The following TGM3 variants were observed in gnomAD, a reference collection of about 807,000 sequenced individuals.
TGM3 encodes transglutaminase 3.
In TGM3, 52 loss-of-function variants were observed where a neutral mutation model predicts 73.8. The observed-to-expected ratio is 0.70, with a 90% CI of 0.56 to 0.89. The LOEUF (loss-of-function observed/expected upper bound fraction) is 0.89, where lower values mean the gene tolerates loss of function less well. TGM3 is among the 40% of genes least tolerant of loss of function. The pLI, the probability that TGM3 is intolerant of heterozygous loss-of-function variation, is 0.00. For missense variants in TGM3, 928 were observed against 909.9 expected, an observed-to-expected ratio of 1.02 and a Z score of -0.26; for synonymous variants, 372 against 354.9, an observed-to-expected ratio of 1.05 and a Z score of -0.54.
chr20:2,308,527 A>T (rs764092115), intron 1 of TGM3, among the ~76,000 whole-genome samples: 15 of 152,274 alleles, frequency 9.9e-5, no homozygotes, highest in South Asian at 4.1e-4. Context: ...GTAAATCAGG[A>T]GGGTGGATTT....
chr20:2,309,565 AC>A (rs1375063709), intron 1 of TGM3, 91 bp from the exon 2 acceptor site: 12 of 1,343,810 alleles, frequency 8.9e-6, no homozygotes, highest in Non-Finnish European at 1.2e-5. Flanking sequence ...GACAAGCCTC[AC>A]CCCAAAGCTG....
intron 11 of TGM3, among the ~76,000 whole-genome samples, chr20:2,337,652 A>C (rs1219600579): frequency 6.8e-6 from 1 of 147,044 alleles, no homozygotes; most frequent in South Asian, 2.2e-4. Flanking sequence ...CCCGAGAGGC[A>C]GCGGTTGCAG....
intron 3 of TGM3, among the ~76,000 whole-genome samples, chr20:2,310,700 T>C (rs572969611): frequency 6.6e-6 from 1 of 152,320 alleles, no homozygotes; most frequent in South Asian, 2.1e-4. Context: ...ACAAACTGCA[T>C]AGCATGGTTC....
In TGM3 at chr20:2,302,714, T is replaced by TA. The variant is rs56347560; in HGVS notation, c.7+6659dup. Among the ~76,000 whole-genome samples, 75 of 105,264 alleles carry TA rather than the reference T, an allele frequency of 7.1e-4. 1 individual carries two copies. Among genetic ancestry groups the TA allele is most frequent in the African/African-American group, 2.0e-3 (65 of 32,762 alleles). 69.1% of individuals were successfully genotyped at this position (105,264 alleles called of 152,430 possible). On this transcript the variant is annotated intron_variant, in intron 1 of 12. Coordinates refer to ENST00000381458, the MANE Select transcript of TGM3 (RefSeq NM_003245.4). ...CAACTGTTTATATAAAGAGGTTTTCTAAAAAAAAAAAAAAATTTAAAACAG... is the reference window on the plus strand; with the variant it reads ...CAACTGTTTATATAAAGAGGTTTTCTAAAAAAAAAAAAAAAATTTAAAACAG...
intron 4 of TGM3, among the ~76,000 whole-genome samples, chr20:2,312,547 AGACCAAGCCACCTCC>A (rs2084211566): frequency 6.6e-6 from 1 of 152,168 alleles, no homozygotes; most frequent in Non-Finnish European, 1.5e-5. Context: ...GGCGTCGGCT[AGACCAAGCCACCTCC>A]CATGCATTCA....
intron 7 of TGM3, among the ~76,000 whole-genome samples, chr20:2,322,911 G>A (rs1270752558): frequency 6.6e-6 from 1 of 152,100 alleles, no homozygotes; most frequent in Non-Finnish European, 1.5e-5. Flanking sequence ...AACTTAGTTT[G>A]TATGCACTAT....
rs1462440803 is a variant in TGM3, at chr20:2,328,049, G to A, written c.1088-71G>A. ...CAGGGGGTTGCAGTGGTCCTGGAAG[G>A]CCCTGGGGAATCGGGCACTGGGTAG... On this transcript the variant is annotated intron_variant, in intron 8 of 12. Transcript: ENST00000381458. This position sits in a 1 kb window ranked among gnomAD's most constrained non-coding sequence, Gnocchi z 5.2. 10 of 1,597,578 alleles carry A rather than the reference G, an allele frequency of 6.3e-6. No individual in the cohort carries two copies. Among genetic ancestry groups the A allele is most frequent in the South Asian group, 4.5e-5 (4 of 88,008 alleles).
intron 5 of TGM3, among the ~76,000 whole-genome samples, chr20:2,314,725 A>C (rs1351730542): frequency 6.6e-6 from 1 of 152,162 alleles, no homozygotes; most frequent in Non-Finnish European, 1.5e-5. Context: ...TATCTCCAAA[A>C]AAAAAGGCGA....
intron 4 of TGM3, 74 bp downstream of exon 4, chr20:2,311,203 A>T: frequency 1.6e-6 from 2 of 1,230,946 alleles, no homozygotes; most frequent in Non-Finnish European, 2.4e-6. Context: ...CCCACAGATC[A>T]ATGGGAAGTC....
intron 7 of TGM3, among the ~76,000 whole-genome samples, chr20:2,319,973 A>C (rs753908976): frequency 6.6e-6 from 1 of 152,228 alleles, no homozygotes; most frequent in Non-Finnish European, 1.5e-5. Context: ...TTAAATGTTT[A>C]AATTCTCGGG....
At chr20:2,335,684 A>G (rs2084346456) in intron 11 of TGM3, among the ~76,000 whole-genome samples, 1 of 152,174 alleles carries the variant, frequency 6.6e-6, no homozygotes, top group South Asian at 2.1e-4. Flanking sequence ...CTTGAGAATC[A>G]CAGACAGGCA....
At chr20:2,306,784 CT>C (rs1221513505) in intron 1 of TGM3, among the ~76,000 whole-genome samples, 3 of 152,100 alleles carry the variant, frequency 2.0e-5, no homozygotes, top group Non-Finnish European at 4.4e-5. Context: ...GCCAGCCCTT[CT>C]TTTTTCTAAA....
rs45629039 is a variant in TGM3 at position 2,334,005 on chromosome 20, G to A, written c.1643-1111G>A. Among the ~76,000 whole-genome samples the A allele has an allele frequency of 0.038, 5,834 of 152,252 alleles. 370 individuals are homozygous for A. The highest frequency in any genetic ancestry group is 0.13 in the African/African-American group (5,472 of 41,522). On this transcript the variant is annotated intron_variant, in intron 10 of 12. Coordinates refer to ENST00000381458, the MANE Select transcript of TGM3 (RefSeq NM_003245.4). This position sits in a 1 kb window ranked among gnomAD's most constrained non-coding sequence, Gnocchi z 4.0. Reference sequence around the variant, plus strand: ...TTCCTCCTCACAGTCTTACCTACAAGAGTATGTAATACTGTGGGTGCTGGG... The same window carrying A: ...TTCCTCCTCACAGTCTTACCTACAAAAGTATGTAATACTGTGGGTGCTGGG...
At chr20:2,316,637 G>A (rs551197489) in intron 5 of TGM3, among the ~76,000 whole-genome samples, 4 of 151,998 alleles carry the variant, frequency 2.6e-5, no homozygotes, top group Non-Finnish European at 4.4e-5. Flanking sequence ...TGATCTTTTC[G>A]TAAGACCATA....
chr20:2,316,476 T>C (rs1017431597), intron 5 of TGM3, among the ~76,000 whole-genome samples: 1 of 151,900 alleles, frequency 6.6e-6, no homozygotes, highest in Non-Finnish European at 1.5e-5. Flanking sequence ...CCAGGAGAAT[T>C]GCTTGAATCC....
At chr20:2,301,662 T>C (rs1056422382) in intron 1 of TGM3, among the ~76,000 whole-genome samples, 4 of 151,998 alleles carry the variant, frequency 2.6e-5, no homozygotes, top group Non-Finnish European at 5.9e-5. Context: ...TGATTTGGCT[T>C]CTCTCAATAG....
In TGM3 at chr20:2,328,285, C is replaced by T. The variant is rs764421689; in HGVS notation, c.1253C>T (p.Thr418Ile). The change falls in exon 9 of 13, where the codon ACC (threonine) becomes ATC (isoleucine). Residue 418 changes from threonine to isoleucine, a missense_variant. Transcript: ENST00000381458. This position sits in a 1 kb window ranked among gnomAD's most constrained non-coding sequence, Gnocchi z 5.2. ...KQWKNSVNSHTIGRYISTKAV... is the reference protein window; with the variant it reads ...KQWKNSVNSHIIGRYISTKAV... Reference sequence around the variant, plus strand: ...TGGAAGAATTCCGTGAACAGTCACACCATTGGCAGGTACATCAGCACCAAG... The same window carrying T: ...TGGAAGAATTCCGTGAACAGTCACATCATTGGCAGGTACATCAGCACCAAG... The T allele has an allele frequency of 1.3e-5, 21 of 1,614,056 alleles. No homozygotes were observed. The highest frequency in any genetic ancestry group is 1.4e-5 in the Non-Finnish European group (17 of 1,180,056).
In TGM3 at chr20:2,310,194, G is replaced by T. The variant is rs750722567; in HGVS notation, c.198G>T (p.Glu66Asp). ...FIVSTGPYPS[E>D]SAMTKAVFPL... is the part of the protein sequence containing the mutation. Reference sequence around the variant, plus strand: ...CTTTGACAGGGCCTTACCCCTCAGAGTCGGCCATGACGAAGGCTGTGTTTC... The same window carrying T: ...CTTTGACAGGGCCTTACCCCTCAGATTCGGCCATGACGAAGGCTGTGTTTC... Residue 66 changes from glutamate (E) to aspartate (D), a missense_variant, in exon 3 of 13, where the codon GAG (glutamate) becomes GAT (aspartate). By Grantham distance (45) the Glu-to-Asp change is conservative. Transcript: ENST00000381458. The T allele has an allele frequency of 1.2e-6, 2 of 1,614,180 alleles. No individual in the cohort carries two copies. Among genetic ancestry groups the T allele is most frequent in the Admixed American group, 1.7e-5 (1 of 60,032 alleles).
intron 7 of TGM3, among the ~76,000 whole-genome samples, chr20:2,321,172 A>G (rs1382319647): frequency 6.6e-6 from 1 of 152,214 alleles, no homozygotes; most frequent in Non-Finnish European, 1.5e-5. Context: ...ACATGATTCC[A>G]TGCACATCTG....
Sources: allele counts gnomAD v4.1 joint callset (sites outside exome capture counted in the v4.1 genomes callset), GRCh38; gene constraint gnomAD v4.1.1; non-coding constraint Gnocchi (gnomAD v3.1); transcripts MANE v1.5; gene names NCBI Gene and HGNC (gene_info 2026-07-23, HGNC 2026-07-21).